Variants in MAP4 observed in about 807,000 individuals in gnomAD.
The protein encoded by MAP4 is microtubule associated protein 4.
In MAP4, 76 loss-of-function variants were observed where a neutral mutation model predicts 170.2. That is an observed-to-expected ratio of 0.45 (90% CI 0.37 to 0.54). The LOEUF is 0.54. MAP4 is among the 20% of genes least tolerant of loss of function. The pLI is 0.00. For synonymous variants in MAP4, 909 were observed against 994.5 expected, an observed-to-expected ratio of 0.91 and a Z score of 1.62; for missense variants, 2,506 against 2,748.0, an observed-to-expected ratio of 0.91 and a Z score of 1.97.
At chr3:47,967,283 C>T (rs1272081075) in intron 3 of MAP4, among the ~76,000 whole-genome samples, 3 of 152,144 alleles carry the variant, frequency 2.0e-5, no homozygotes, top group African/African-American at 7.2e-5. Context: ...TGCAGTGAGC[C>T]ATGAACGGGT....
intron 11 of MAP4, chr3:47,877,143 C>CT (rs2095604554): frequency 3.4e-6 from 1 of 295,764 alleles, no homozygotes; most frequent in African/African-American, 2.2e-5. Flanking sequence ...TCCCAAAGTG[C>CT]TGAGATTACA....
At chr3:47,920,632 G>A (rs930808338) in intron 5 of MAP4, among the ~76,000 whole-genome samples, 4 of 147,994 alleles carry the variant, frequency 2.7e-5, no homozygotes, top group Non-Finnish European at 5.9e-5. Context: ...GCTCAATGCA[G>A]CCTCGACCTT....
intron 3 of MAP4, among the ~76,000 whole-genome samples, chr3:47,954,583 C>CACAAGT (rs2100066561): frequency 6.6e-6 from 1 of 152,184 alleles, no homozygotes; most frequent in Admixed American, 6.5e-5. Flanking sequence ...GTAGTGTTCC[C>CACAAGT]ACAAGTACAA....
At chr3:47,874,934 C>G (rs994500216) in intron 12 of MAP4, among the ~76,000 whole-genome samples, 2 of 150,970 alleles carry the variant, frequency 1.3e-5, no homozygotes, top group Non-Finnish European at 2.9e-5. Context: ...AGGCCCTTCT[C>G]AAATAACACA....
chr3:48,043,057 A>G (rs1178067234), intron 1 of MAP4, among the ~76,000 whole-genome samples: 2 of 152,216 alleles, frequency 1.3e-5, no homozygotes, highest in East Asian at 1.9e-4. Flanking sequence ...CTAATGGTGC[A>G]CATGTCTGTG....
chr3:47,894,115 C>T (rs2100025538), intron 10 of MAP4, among the ~76,000 whole-genome samples: 1 of 151,944 alleles, frequency 6.6e-6, no homozygotes, highest in Admixed American at 6.6e-5. Flanking sequence ...ATATACATTT[C>T]TTCCCCTTGA....
intron 3 of MAP4, among the ~76,000 whole-genome samples, chr3:47,938,278 G>T (rs372800093): frequency 2.9e-4 from 44 of 152,156 alleles, no homozygotes; most frequent in African/African-American, 1.0e-3. Context: ...TGAGACAGGA[G>T]AATTGTTTGA....
At chr3:47,892,039 C>T in intron 10 of MAP4, 1 of 1,536,266 alleles carries the variant, frequency 6.5e-7, no homozygotes, top group East Asian at 2.4e-5. Flanking sequence ...GTCCATTCTT[C>T]CCTGCCACCT....
Position 48,046,228 on chromosome 3 carries a change from T to C in MAP4, c.-20+42545A>G, listed in dbSNP as rs6785166. 4.0e-3 allele frequency among the ~76,000 whole-genome samples: 608 copies of C among 152,292 alleles called. 6 individuals are homozygous for C. The highest frequency in any genetic ancestry group is 0.014 in the African/African-American group (589 of 41,554). On this transcript the variant is annotated intron_variant, in intron 1 of 18. Transcript: ENST00000360240. ...GCCAATTCTCTCTATCGGTTATCGATTTTTCTTAACTATCACATAGATTTA... is the reference window on the plus strand; with the variant it reads ...GCCAATTCTCTCTATCGGTTATCGACTTTTCTTAACTATCACATAGATTTA...
At chr3:47,922,178 ATC>A (rs2100043306) in intron 4 of MAP4, among the ~76,000 whole-genome samples, 1 of 151,944 alleles carries the variant, frequency 6.6e-6, no homozygotes, top group Non-Finnish European at 1.5e-5. Flanking sequence ...CAAACTCCTG[ATC>A]TCAAGTGATC....
intron 3 of MAP4, among the ~76,000 whole-genome samples, chr3:47,944,206 A>C (rs1461098928): frequency 1.3e-5 from 2 of 152,016 alleles, no homozygotes; most frequent in Non-Finnish European, 2.9e-5. Context: ...GCTAATCAGG[A>C]GGCTGAGGCA....
chr3:47,852,334 C>T lies in MAP4; in HGVS notation c.*600G>A, dbSNP rs1427933456. On this transcript the variant is annotated 3_prime_UTR_variant, in exon 21 of 21. Coordinates refer to ENST00000683076, the MANE Select transcript of MAP4 (RefSeq NM_001385682.1). ...GGGGACAGGCAGCACTGACCCCCAA[C>T]TTGGGGCAGGGCAGCAAGAAGGGCC... 5.9e-6 allele frequency: 1 copy of T among 170,042 alleles called. No homozygotes were observed. The highest frequency in any genetic ancestry group is 1.2e-5 in the Non-Finnish European group (1 of 80,238). 10.5% of individuals were successfully genotyped at this position (170,042 alleles called of 1,614,324 possible).
At chr3:47,892,679 G>A in intron 10 of MAP4, 1 of 1,376,312 alleles carries the variant, frequency 7.3e-7, no homozygotes, top group South Asian at 1.9e-5. Context: ...AAGAAAGAAA[G>A]AAAGGAAGAA....
intron 1 of MAP4, among the ~76,000 whole-genome samples, chr3:48,033,495 T>C (rs532819190): frequency 1.3e-4 from 20 of 152,230 alleles, no homozygotes; most frequent in Non-Finnish European, 2.6e-4. Context: ...CAGCTGTCCT[T>C]AATTTTTTTA....
intron 3 of MAP4, among the ~76,000 whole-genome samples, chr3:47,975,824 C>G (rs1043917650): frequency 6.7e-6 from 1 of 149,202 alleles, no homozygotes; most frequent in African/African-American, 2.5e-5. Flanking sequence ...GAGTCTTGCT[C>G]TGTTGACCAG....
chr3:47,934,306 T>C (rs570885615), intron 3 of MAP4, among the ~76,000 whole-genome samples: 2 of 152,226 alleles, frequency 1.3e-5, no homozygotes, highest in Non-Finnish European at 2.9e-5. Flanking sequence ...TGCTGTATAC[T>C]GATGGCATAG....
At position 47,916,638 on chromosome 3, in the gene MAP4, C is replaced by T. The variant is rs2100039452; in HGVS notation, c.1189G>A (p.Gly397Arg). 2 of 1,614,176 alleles carry T rather than the reference C, an allele frequency of 1.2e-6. No individual in the cohort carries two copies. Among genetic ancestry groups the T allele is most frequent in the African/African-American group, 1.3e-5 (1 of 75,054 alleles). Residue 397 changes from glycine (G) to arginine (R), a missense_variant, in exon 7 of 21, where the codon GGA becomes AGA. Gly to Arg is a moderately radical substitution (Grantham distance 125). Transcript: ENST00000683076. Reference sequence around the variant, plus strand: ...ACTATCTTGTTTTCTTTGGGTGGTCCCATGTCCTTGGAAGGAGCCAAGTCC... The same window carrying T: ...ACTATCTTGTTTTCTTTGGGTGGTCTCATGTCCTTGGAAGGAGCCAAGTCC... ...KMDLAPSKDM[G>R]PPKENKIVPA...
intron 3 of MAP4, among the ~76,000 whole-genome samples, chr3:47,942,570 T>C (rs189013735): frequency 2.7e-4 from 41 of 152,208 alleles, no homozygotes; most frequent in Non-Finnish European, 4.7e-4. Flanking sequence ...CAATCACCAC[T>C]GTTTTTGTTT....
chr3:48,054,373 C>T (rs1215921465), intron 1 of MAP4, among the ~76,000 whole-genome samples: 1 of 151,784 alleles, frequency 6.6e-6, no homozygotes, highest in African/African-American at 2.4e-5. Flanking sequence ...CGCCTGTAAT[C>T]CCACTTTGGG....
Sources: allele counts gnomAD v4.1 joint callset (sites outside exome capture counted in the v4.1 genomes callset), GRCh38; gene constraint gnomAD v4.1.1; transcripts MANE v1.5; gene names NCBI Gene and HGNC (gene_info 2026-07-23, HGNC 2026-07-21).